SMARCB1: variants seen among roughly 807,000 people sequenced by gnomAD.
SMARCB1 encodes the protein SWI/SNF-related matrix-associated actin-dependent regulator of chromatin subfamily B member 1.
Under a neutral mutation model 49.0 loss-of-function variants are expected in SMARCB1, and 5 were observed. The observed-to-expected ratio is 0.10, with a 90% CI of 0.05 to 0.21. The LOEUF (loss-of-function observed/expected upper bound fraction) is 0.21, where lower values mean the gene tolerates loss of function less well. Among genes scored for constraint, SMARCB1 ranks in the 10% least tolerant of loss-of-function variants. The probability of loss-of-function intolerance (pLI) is 1.00; values close to 1 mark genes in which losing one functional copy is unlikely to be tolerated. For missense variants in SMARCB1, 226 were observed against 509.2 expected, an observed-to-expected ratio of 0.44 and a Z score of 5.35; for synonymous variants, 201 against 200.1, an observed-to-expected ratio of 1.00 and a Z score of -0.04.
chr22:23,806,284 C>T (rs1171400152), intron 5 of SMARCB1, among the ~76,000 whole-genome samples: 1 of 152,172 alleles, frequency 6.6e-6, no homozygotes, highest in Non-Finnish European at 1.5e-5. Context: ...AGACCAGGAT[C>T]GTCCATGAAC....
rs552145628 is a variant in SMARCB1 at position 23,835,696 on chromosome 22, G to C, written c.*1516G>C. ...CCCAGCTGCTCTTAGACATGAACAGGTTTCATTGCTGAGGTGTTTGTTCTG... is the reference window on the plus strand; with the variant it reads ...CCCAGCTGCTCTTAGACATGAACAGCTTTCATTGCTGAGGTGTTTGTTCTG... On this transcript the variant is annotated 3_prime_UTR_variant, in exon 9 of 9. Transcript: ENST00000644036. The C allele has an allele frequency of 6.1e-6, 6 of 985,516 alleles. No individual in the cohort carries two copies. The highest frequency in any genetic ancestry group is 4.7e-5 in the South Asian group (1 of 21,294). 61.0% of individuals were successfully genotyped at this position (985,516 alleles called of 1,614,324 possible).
chr22:23,795,202 C>T (rs35599067), intron 3 of SMARCB1, among the ~76,000 whole-genome samples: 79 of 152,032 alleles, frequency 5.2e-4, no homozygotes, highest in African/African-American at 1.8e-3. Context: ...GCAGGAGGAT[C>T]GCTTGAGCCC....
chr22:23,799,526 T>G lies in SMARCB1; in HGVS notation c.363-1418T>G, dbSNP rs1234906580. On this transcript the variant is annotated intron_variant, in intron 3 of 8. Coordinates refer to ENST00000644036, the MANE Select transcript of SMARCB1 (RefSeq NM_003073.5). ...CTCACCTTTTGGTTTTTTTTTTTTT[T>G]TTTGAGATGGAGTTTCGCTCTTGTT... 3.6e-4 allele frequency among the ~76,000 whole-genome samples: 53 copies of G among 148,350 alleles called. No individual in the cohort carries two copies. The South Asian group carries it at 0.012, about 33-fold the overall frequency.
Position 23,838,004 on chromosome 22 carries a change from A to T in SMARCB1, c.*3824A>T, listed in dbSNP as rs1202902857. 8 of 1,254,104 alleles carry T rather than the reference A, an allele frequency of 6.4e-6. No individual in the cohort carries two copies. Among genetic ancestry groups the T allele is most frequent in the Non-Finnish European group, 8.6e-6 (8 of 927,374 alleles). 77.7% of individuals were successfully genotyped at this position (1,254,104 alleles called of 1,614,324 possible). The stretch of plus-strand genomic sequence containing the variant: ...CAGTCCAATAAAGGCGACACACTCC[A>T]CGGGCTTCAGGTCCCACGAAATCTG... On this transcript the variant is annotated 3_prime_UTR_variant, in exon 9 of 9. Transcript: ENST00000644036.
chr22:23,831,820 A>G (rs5760058), intron 7 of SMARCB1, among the ~76,000 whole-genome samples: 139,617 of 152,214 alleles, frequency 0.92, 64,185 homozygotes, highest in Middle Eastern at 0.97. Flanking sequence ...GTCTGAGGCT[A>G]GGGTGGTCCC....
chr22:23,793,299 C>A (rs997518325), intron 2 of SMARCB1: 1 of 543,784 alleles, frequency 1.8e-6, no homozygotes, highest in Non-Finnish European at 3.4e-6. Flanking sequence ...CTGAGCACTT[C>A]CCTCTGCCCC....
chr22:23,787,347 CCATT>C (rs1232542481), intron 1 of SMARCB1, 85 bp downstream of exon 1: 1 of 775,078 alleles, frequency 1.3e-6, no homozygotes, highest in Non-Finnish European at 2.0e-6. Context: ...GCGCGCGTCT[CCATT>C]CATCGGGGCG....
chr22:23,827,107 T>A (rs995372154), intron 7 of SMARCB1, among the ~76,000 whole-genome samples: 2 of 152,180 alleles, frequency 1.3e-5, no homozygotes, highest in African/African-American at 4.8e-5. Context: ...GAGGCAGTCA[T>A]GTTGCGCGCA....
intron 5 of SMARCB1, chr22:23,803,897 G>T: frequency 4.2e-6 from 1 of 239,714 alleles, no homozygotes; most frequent in Non-Finnish European, 8.4e-6. Flanking sequence ...GCTCTTCCTG[G>T]GCTTCCAAAG....
intron 3 of SMARCB1, among the ~76,000 whole-genome samples, chr22:23,794,231 C>T (rs1383297734): frequency 6.6e-5 from 10 of 152,238 alleles, no homozygotes; most frequent in Non-Finnish European, 1.3e-4. Flanking sequence ...CGTGAGCCAC[C>T]GCGCCCGGTC....
chr22:23,809,275 C>CTT lies in SMARCB1; in HGVS notation c.628+5869_628+5870dup, dbSNP rs1259830307. Among the ~76,000 whole-genome samples the CTT allele has an allele frequency of 3.0e-3, 399 of 134,334 alleles. 3 individuals carry two copies. Among genetic ancestry groups the CTT allele is most frequent in the African/African-American group, 9.7e-3 (351 of 36,350 alleles). The allele number at this position is 134,334 out of a possible 152,430, so 88.1% of individuals were successfully genotyped here. A position where few individuals can be genotyped will look rare whatever the true frequency, so the allele number is the denominator to read the frequency against. On this transcript the variant is annotated intron_variant, in intron 5 of 8. Transcript: ENST00000644036. ...TCAGGAATGAACGATATTGGACATTCTTTTTTTTTTTTTTTTTGAGACGGA... is the reference window on the plus strand; with the variant it reads ...TCAGGAATGAACGATATTGGACATTCTTTTTTTTTTTTTTTTTTTGAGACGGA...
chr22:23,789,734 A>C (rs1027844189), intron 1 of SMARCB1, among the ~76,000 whole-genome samples: 5 of 152,200 alleles, frequency 3.3e-5, no homozygotes, highest in African/African-American at 1.2e-4. Flanking sequence ...GCCTGACTTA[A>C]TCATCAGACC....
intron 5 of SMARCB1, among the ~76,000 whole-genome samples, chr22:23,810,168 A>C (rs915287865): frequency 6.9e-6 from 1 of 145,334 alleles, no homozygotes; most frequent in Non-Finnish European, 1.5e-5. Context: ...CGAGACTCCA[A>C]CTCAAAAAAA....
At chr22:23,831,902 A>T (rs911409446) in intron 7 of SMARCB1, among the ~76,000 whole-genome samples, 1 of 152,134 alleles carries the variant, frequency 6.6e-6, no homozygotes, top group Non-Finnish European at 1.5e-5. Context: ...TCAGCCCCAG[A>T]GGGTGGGGGT....
At chr22:23,800,483 G>A (rs777497410) in intron 3 of SMARCB1, among the ~76,000 whole-genome samples, 8 of 152,166 alleles carry the variant, frequency 5.3e-5, no homozygotes, top group Non-Finnish European at 8.8e-5. Context: ...ATCTCACGGA[G>A]CATGTGAGAC....
chr22:23,789,869 G>A (rs1928266646), intron 1 of SMARCB1, among the ~76,000 whole-genome samples: 1 of 152,202 alleles, frequency 6.6e-6, no homozygotes, highest in African/African-American at 2.4e-5. Context: ...TCAGAGAGGT[G>A]GGCCAGCCAT....
Position 23,834,335 on chromosome 22 carries a change from C to A in SMARCB1, c.*155C>A. 1 of 795,030 alleles carries A rather than the reference C, an allele frequency of 1.3e-6. No individual in the cohort carries two copies. The highest frequency in any genetic ancestry group is 2.1e-6 in the Non-Finnish European group (1 of 470,330). The allele number at this position is 795,030 out of a possible 1,614,324, so 49.2% of individuals were successfully genotyped here. On this transcript the variant is annotated 3_prime_UTR_variant, in exon 9 of 9. Transcript: ENST00000644036. ...GGGGCTTCCAGGTGGCCCTTCCCGGCACACATTCCATTTGTTGAGCCCCAG... is the reference window on the plus strand; with the variant it reads ...GGGGCTTCCAGGTGGCCCTTCCCGGAACACATTCCATTTGTTGAGCCCCAG...
intron 8 of SMARCB1, 148 bp downstream of exon 8, chr22:23,833,851 AG>A (rs2030807171): frequency 1.1e-6 from 1 of 916,780 alleles, no homozygotes. Flanking sequence ...CTGGGTGATA[AG>A]GCCCCATCCA....
chr22:23,829,154 TC>T (rs1486734052), intron 7 of SMARCB1, among the ~76,000 whole-genome samples: 1 of 152,196 alleles, frequency 6.6e-6, no homozygotes, highest in Non-Finnish European at 1.5e-5. Flanking sequence ...AGCCCTGTGT[TC>T]CTGGCCAGGG....
Sources: allele counts gnomAD v4.1 joint callset (sites outside exome capture counted in the v4.1 genomes callset), GRCh38; gene constraint gnomAD v4.1.1; transcripts MANE v1.5; gene names NCBI Gene and HGNC (gene_info 2026-07-23, HGNC 2026-07-21).